Variants in NCKAP5 observed in about 807,000 individuals in gnomAD.
The protein encoded by NCKAP5 is nck-associated protein 5.
NCKAP5 carries 92 observed loss-of-function variants against 167.0 expected under a neutral mutation model. The ratio of observed to expected loss-of-function variants is 0.55; its 90% CI spans 0.47 to 0.66. NCKAP5 has a LOEUF of 0.66. NCKAP5 is among the 30% of genes least tolerant of loss of function. NCKAP5 has a pLI of 0.00. For missense variants in NCKAP5, 2,378 were observed against 2,315.0 expected, an observed-to-expected ratio of 1.03 and a Z score of -0.56; for synonymous variants, 891 against 877.4, an observed-to-expected ratio of 1.02 and a Z score of -0.27.
chr2:132,786,284 A>C (rs1205363627), intron 13 of NCKAP5, among the ~76,000 whole-genome samples: 1 of 152,220 alleles, frequency 6.6e-6, no homozygotes, highest in East Asian at 1.9e-4. Flanking sequence ...ATATGGCCTT[A>C]TTGCAGAGTG....
At chr2:133,508,079 G>A (rs1176960329) in intron 3 of NCKAP5, among the ~76,000 whole-genome samples, 1 of 152,194 alleles carries the variant, frequency 6.6e-6, no homozygotes, top group Non-Finnish European at 1.5e-5. Flanking sequence ...GTAAGAGAAT[G>A]TTAATAGAGG....
intron 7 of NCKAP5, among the ~76,000 whole-genome samples, chr2:132,984,388 C>T (rs2077227351): frequency 6.6e-6 from 1 of 152,134 alleles, no homozygotes; most frequent in Non-Finnish European, 1.5e-5. Context: ...CCAGAAACTG[C>T]TCCAGAGGGC....
At chr2:133,050,786 A>C (rs925883570) in intron 6 of NCKAP5, among the ~76,000 whole-genome samples, 4 of 152,214 alleles carry the variant, frequency 2.6e-5, no homozygotes, top group Non-Finnish European at 5.9e-5. Flanking sequence ...TATTTGAGTG[A>C]TGAACTGAAT....
chr2:133,551,679 C>T (rs1479069462), intron 2 of NCKAP5, among the ~76,000 whole-genome samples: 1 of 67,072 alleles, frequency 1.5e-5, no homozygotes, highest in Non-Finnish European at 2.8e-5. Flanking sequence ...AGGACATAGG[C>T]ATGGGCAAGG....
At chr2:132,834,818 C>T (rs1687774458) in intron 11 of NCKAP5, among the ~76,000 whole-genome samples, 1 of 152,120 alleles carries the variant, frequency 6.6e-6, no homozygotes, top group Non-Finnish European at 1.5e-5. Flanking sequence ...TTTCTCTTGT[C>T]TAATTGCTCT....
the NCKAP5 span, among the ~76,000 whole-genome samples, chr2:133,599,311 G>C: frequency 2.0e-5 from 3 of 152,200 alleles, no homozygotes; most frequent in Admixed American, 2.0e-4. Flanking sequence ...GGTCCTTGCA[G>C]GACCCAGAGG....
At chr2:132,747,507 G>A (rs991844175) in intron 16 of NCKAP5, among the ~76,000 whole-genome samples, 1 of 114,336 alleles carries the variant, frequency 8.7e-6, no homozygotes, top group Non-Finnish European at 1.9e-5. Flanking sequence ...AAGAAGTGCC[G>A]GCCTGACTCT....
intron 3 of NCKAP5, among the ~76,000 whole-genome samples, chr2:133,481,245 A>G (rs13396221): frequency 0.016 from 2,387 of 152,258 alleles, 73 homozygotes; most frequent in African/African-American, 0.054. Flanking sequence ...GTTTCTGCCA[A>G]TGCCCACACC....
At chr2:132,831,158 T>C (rs568102692) in intron 11 of NCKAP5, among the ~76,000 whole-genome samples, 1 of 152,338 alleles carries the variant, frequency 6.6e-6, no homozygotes, top group South Asian at 2.1e-4. Context: ...CGCATGGTGC[T>C]CCATCACACG....
intron 3 of NCKAP5, among the ~76,000 whole-genome samples, chr2:133,400,853 T>C (rs1688053192): frequency 6.6e-6 from 1 of 152,250 alleles, no homozygotes; most frequent in Non-Finnish European, 1.5e-5. Context: ...AATATTTATT[T>C]GTTCTGTATC....
chr2:133,085,243 T>C lies in NCKAP5; in HGVS notation c.341+44735A>G, dbSNP rs2080948293. The stretch of plus-strand genomic sequence containing the variant: ...GTACTGCTAAGAAGTCCCCAAAGTG[T>C]GTGAGGCTCTCTTAGTAAGCATCAG... On this transcript the variant is annotated intron_variant, in intron 6 of 19. Coordinates refer to ENST00000409261, the MANE Select transcript of NCKAP5 (RefSeq NM_207363.3). Among the ~76,000 whole-genome samples the C allele has an allele frequency of 3.3e-5, 5 of 152,280 alleles. No homozygotes were observed. In the South Asian group the frequency reaches 1.0e-3, roughly 32 times the overall value.
rs577032950 is a variant in NCKAP5, at chr2:132,966,505, C to T, written c.430-2636G>A. ...ACACTCACATACCATATAGTGAATT[C>T]GTGTCATTCACAATGGTTATGTTCT... On this transcript the variant is annotated intron_variant, in intron 7 of 19. Transcript: ENST00000409261. Among the ~76,000 whole-genome samples, 7 of 152,274 alleles carry T rather than the reference C, an allele frequency of 4.6e-5. No homozygotes were observed. In the East Asian group the frequency reaches 5.8e-4, roughly 13 times the overall value.
At chr2:133,622,036 T>A in the NCKAP5 span, among the ~76,000 whole-genome samples, 1 of 152,012 alleles carries the variant, frequency 6.6e-6, no homozygotes, top group African/African-American at 2.4e-5. Flanking sequence ...ACAAAAATCA[T>A]ATGATCATCT....
intron 3 of NCKAP5, among the ~76,000 whole-genome samples, chr2:133,434,818 G>A (rs1477174987): frequency 6.6e-6 from 1 of 152,084 alleles, no homozygotes; most frequent in Non-Finnish European, 1.5e-5. Flanking sequence ...ACATTTCTTT[G>A]TATCTTCAAA....
intron 11 of NCKAP5, among the ~76,000 whole-genome samples, chr2:132,803,770 A>G (rs1685218271): frequency 6.6e-6 from 1 of 152,226 alleles, no homozygotes; most frequent in Admixed American, 6.5e-5. Flanking sequence ...ATGCTTTATG[A>G]AGCATCTACT....
At chr2:132,766,124 A>G (rs993505472) in intron 16 of NCKAP5, among the ~76,000 whole-genome samples, 13 of 151,888 alleles carry the variant, frequency 8.6e-5, no homozygotes, top group African/African-American at 3.1e-4. Flanking sequence ...TACTAAAAAT[A>G]TAAAAATTAG....
At chr2:132,769,357 G>T (rs1357327386) in intron 16 of NCKAP5, among the ~76,000 whole-genome samples, 2 of 152,096 alleles carry the variant, frequency 1.3e-5, no homozygotes, top group Non-Finnish European at 2.9e-5. Context: ...TTTCTTGATT[G>T]TTCTCTGTCA....
intron 13 of NCKAP5, among the ~76,000 whole-genome samples, chr2:132,789,341 T>C (rs1683859520): frequency 6.6e-6 from 1 of 152,184 alleles, no homozygotes; most frequent in South Asian, 2.1e-4. Flanking sequence ...ATTTTGATAA[T>C]GCAGCAGGCT....
At chr2:132,896,345 T>C (rs961086081) in intron 8 of NCKAP5, among the ~76,000 whole-genome samples, 1 of 152,250 alleles carries the variant, frequency 6.6e-6, no homozygotes, top group Non-Finnish European at 1.5e-5. Flanking sequence ...CAGCAACGTT[T>C]GCTTTGAAAA....
Sources: allele counts gnomAD v4.1 joint callset (sites outside exome capture counted in the v4.1 genomes callset), GRCh38; gene constraint gnomAD v4.1.1; transcripts MANE v1.5; gene names NCBI Gene and HGNC (gene_info 2026-07-23, HGNC 2026-07-21).